The following DCDC1 variants were observed in gnomAD, a reference collection of about 807,000 sequenced individuals.
DCDC1 encodes doublecortin domain-containing protein 1.
In DCDC1, 200 loss-of-function variants were observed where a neutral mutation model predicts 178.3. The ratio of observed to expected loss-of-function variants is 1.12; its 90% CI spans 1.00 to 1.26. DCDC1 has a LOEUF of 1.26. Ranked by LOEUF, DCDC1 falls within the 50% of genes most tolerant of loss-of-function variation. The pLI is 0.00. For missense variants in DCDC1, 1,983 were observed against 1,749.2 expected, an observed-to-expected ratio of 1.13 and a Z score of -2.38; for synonymous variants, 690 against 604.8, an observed-to-expected ratio of 1.14 and a Z score of -2.07.
At chr11:30,909,171 T>C in intron 28 of DCDC1, 55 bp from the exon 29 acceptor site, 1 of 1,459,516 alleles carries the variant, frequency 6.9e-7, no homozygotes. Flanking sequence ...GGTTATAGTG[T>C]CTTGTTTTTC....
At chr11:31,242,064 T>C (rs1321200629) in intron 8 of DCDC1, among the ~76,000 whole-genome samples, 3 of 151,998 alleles carry the variant, frequency 2.0e-5, no homozygotes, top group Non-Finnish European at 4.4e-5. Flanking sequence ...TCATAAAATA[T>C]AATCCACACC....
chr11:30,898,818 AG>A (rs1256089627), intron 34 of DCDC1, among the ~76,000 whole-genome samples: 1 of 152,204 alleles, frequency 6.6e-6, no homozygotes, highest in Non-Finnish European at 1.5e-5. Flanking sequence ...TTTTAACACA[AG>A]ACAGCATCAG....
chr11:31,087,627 TG>T (rs1239689459), intron 17 of DCDC1, among the ~76,000 whole-genome samples: 1 of 152,112 alleles, frequency 6.6e-6, no homozygotes, highest in African/African-American at 2.4e-5. Flanking sequence ...TTCAAATATC[TG>T]GGGGTTTTGC....
chr11:31,168,073 G>C (rs1966854143), intron 9 of DCDC1, among the ~76,000 whole-genome samples: 1 of 152,094 alleles, frequency 6.6e-6, no homozygotes, highest in Non-Finnish European at 1.5e-5. Flanking sequence ...CTCATCTTTT[G>C]AGTTTGAAGT....
At chr11:31,207,473 C>T (rs549370826) in intron 9 of DCDC1, among the ~76,000 whole-genome samples, 86 of 152,232 alleles carry the variant, frequency 5.6e-4, no homozygotes, top group Non-Finnish European at 1.1e-3. Context: ...AAACAGGTAA[C>T]CAAATGAGAA....
intron 9 of DCDC1, among the ~76,000 whole-genome samples, chr11:31,223,002 A>G (rs1974457876): frequency 6.6e-6 from 1 of 152,220 alleles, no homozygotes; most frequent in Admixed American, 6.6e-5. Context: ...TAATAAAAAC[A>G]ATAAACTATG....
intron 1 of DCDC1, among the ~76,000 whole-genome samples, chr11:31,338,553 C>T (rs758863222): frequency 5.3e-5 from 8 of 152,164 alleles, no homozygotes; most frequent in Non-Finnish European, 1.2e-4. Flanking sequence ...AGAATCTCTT[C>T]CCTTTTACAG....
intron 20 of DCDC1, among the ~76,000 whole-genome samples, chr11:31,032,096 A>G: frequency 6.6e-6 from 1 of 152,290 alleles, no homozygotes. Flanking sequence ...GAGGCTGATA[A>G]GTGGGGCCAA....
intron 9 of DCDC1, among the ~76,000 whole-genome samples, chr11:31,158,111 A>T (rs80170495): frequency 1.3e-4 from 17 of 131,928 alleles, no homozygotes; most frequent in East Asian, 4.8e-4. Flanking sequence ...TTATTTTATT[A>T]TATTTTTTTG....
intron 10 of DCDC1, 25 bp downstream of exon 10, chr11:31,137,667 A>G (rs1438862693): frequency 1.4e-6 from 1 of 701,232 alleles, no homozygotes. Context: ...GTTTTAAAAT[A>G]CAGTTTACAA....
rs188109800 is a variant in DCDC1, at chr11:31,252,703, G to A, written c.1055-11087C>T. Among the ~76,000 whole-genome samples the A allele has an allele frequency of 1.5e-4, 23 of 152,086 alleles. No individual in the cohort carries two copies. In the East Asian group the frequency reaches 2.5e-3, roughly 17 times the overall value. On this transcript the variant is annotated intron_variant, in intron 8 of 38. Coordinates refer to ENST00000684477, the MANE Select transcript of DCDC1 (RefSeq NM_001387274.1). ...GAAGAGGCTAGGGATATTTAACCTC[G>A]AAACACTTAAATGATACATATTCAA... is the stretch of plus-strand genomic sequence containing the variant.
At chr11:31,254,299 C>T (rs1270015134) in intron 8 of DCDC1, among the ~76,000 whole-genome samples, 1 of 152,108 alleles carries the variant, frequency 6.6e-6, no homozygotes, top group East Asian at 1.9e-4. Flanking sequence ...ATGTTGGGTA[C>T]TTGTGAGTTG....
In DCDC1 at chr11:30,984,933, G is replaced by T. The variant is rs77312563; in HGVS notation, c.2592-32365C>A. On this transcript the variant is annotated intron_variant, in intron 20 of 38. Coordinates refer to ENST00000684477, the MANE Select transcript of DCDC1 (RefSeq NM_001387274.1). ...GCAAGAAATACAGTTTTTCCTAAAA[G>T]GATGGGAGTCCAGGGCGGTTGGTGA... 7.8e-3 allele frequency among the ~76,000 whole-genome samples: 1,183 copies of T among 152,258 alleles called. 46 individuals are homozygous for T. The highest frequency in any genetic ancestry group is 0.055 in the Admixed American group (845 of 15,282).
chr11:31,353,198 T>C (rs1682392807), intron 1 of DCDC1, among the ~76,000 whole-genome samples: 1 of 152,246 alleles, frequency 6.6e-6, no homozygotes, highest in Admixed American at 6.5e-5. Flanking sequence ...CGGCAAGGTC[T>C]TCTTGATTTA....
chr11:31,181,747 C>A (rs1968829559), intron 9 of DCDC1, among the ~76,000 whole-genome samples: 1 of 152,058 alleles, frequency 6.6e-6, no homozygotes. Flanking sequence ...TAGATAAATC[C>A]ACAAAGATGA....
At chr11:31,146,000 G>T (rs1361902700) in intron 9 of DCDC1, among the ~76,000 whole-genome samples, 1 of 151,594 alleles carries the variant, frequency 6.6e-6, no homozygotes, top group African/African-American at 2.4e-5. Context: ...TTCTTCCTGA[G>T]CTCTCACCCA....
Position 31,290,742 on chromosome 11 carries a change from G to A in DCDC1, c.865C>T (p.Leu289Phe), listed in dbSNP as rs760605601. The A allele has an allele frequency of 6.2e-7, 1 of 1,613,512 alleles. No individual in the cohort carries two copies. The highest frequency in any genetic ancestry group is 1.1e-5 in the South Asian group (1 of 91,048). ...ATTCGGACTGAGGTCCTCTCAGTAA[G>A]TTTCTTCATTCTAATAGAAAGAACA... ...KPVLSIRMKK[L>F]TERTSVRILF... is the part of the protein sequence containing the mutation. The change falls in exon 7 of 39, where the codon CTT (leucine) becomes TTT (phenylalanine). Residue 289 changes from leucine (L) to phenylalanine (F), a missense_variant. By Grantham distance (22) the Leu-to-Phe change is conservative. Coordinates refer to ENST00000684477, the MANE Select transcript of DCDC1 (RefSeq NM_001387274.1).
chr11:31,160,381 T>C (rs958398204), intron 9 of DCDC1, among the ~76,000 whole-genome samples: 2 of 152,204 alleles, frequency 1.3e-5, no homozygotes, highest in Non-Finnish European at 2.9e-5. Context: ...TCTTAGCATT[T>C]TAATATAAAA....
intron 34 of DCDC1, among the ~76,000 whole-genome samples, chr11:30,897,053 T>C (rs78266594): frequency 1.6e-3 from 243 of 152,328 alleles, no homozygotes; most frequent in Middle Eastern, 3.4e-3. Flanking sequence ...CTTGTTCTTA[T>C]TTATCCTCAT....
Sources: allele counts gnomAD v4.1 joint callset (sites outside exome capture counted in the v4.1 genomes callset), GRCh38; gene constraint gnomAD v4.1.1; transcripts MANE v1.5; gene names NCBI Gene and HGNC (gene_info 2026-07-23, HGNC 2026-07-21).